Variants in PCDH7 observed in about 807,000 individuals in gnomAD.
The protein encoded by PCDH7 is protocadherin-7.
PCDH7 carries 17 observed loss-of-function variants against 58.9 expected under a neutral mutation model. That is an observed-to-expected ratio of 0.29 (90% confidence interval 0.20 to 0.43). The LOEUF (loss-of-function observed/expected upper bound fraction) is 0.43. PCDH7 is among the 20% of genes least tolerant of loss of function. The pLI, the probability that PCDH7 is intolerant of heterozygous loss-of-function variation, is 1.00. For synonymous variants in PCDH7, 664 were observed against 616.4 expected (o/e 1.08, Z -1.14); for missense variants, 1,274 against 1,441.0 (o/e 0.88, Z 1.88).
At chr4:30,841,758 C>T (rs28525650) in intron 1 of PCDH7, among the ~76,000 whole-genome samples, 1,846 of 152,084 alleles carry the variant, frequency 0.012, 35 homozygotes, top group African/African-American at 0.042. Context: ...GGTTATCTAA[C>T]CCTGACTTAT....
intron 3 of PCDH7, among the ~76,000 whole-genome samples, chr4:30,963,809 A>C (rs978630534): frequency 1.3e-5 from 2 of 152,192 alleles, no homozygotes; most frequent in African/African-American, 4.8e-5. Context: ...AAATTTTGAC[A>C]TGAGTTAAAG....
rs577645464 is a variant in PCDH7, at chr4:30,752,306, G to A, written c.70+27710G>A. Among the ~76,000 whole-genome samples the A allele has an allele frequency of 1.2e-3, 175 of 151,892 alleles. 1 individual carries two copies. The highest frequency in any genetic ancestry group is 3.7e-3 in the African/African-American group (155 of 41,432). On this transcript the variant is annotated intron_variant, in intron 1 of 3. Coordinates refer to the PCDH7 transcript ENST00000509759. Reference sequence around the variant, plus strand: ...TGCCACCATGCCCAGCTAATTTTTCGTATTTTTAGTAGAGACGGGGTTTCA... The same window carrying A: ...TGCCACCATGCCCAGCTAATTTTTCATATTTTTAGTAGAGACGGGGTTTCA...
intron 1 of PCDH7, among the ~76,000 whole-genome samples, chr4:30,769,362 A>G (rs1721116188): frequency 6.6e-6 from 1 of 152,218 alleles, no homozygotes; most frequent in African/African-American, 2.4e-5. Context: ...GGTTTCCTGC[A>G]AGTCAGCTAT....
At chr4:30,927,069 C>T (rs186069400) in intron 2 of PCDH7, among the ~76,000 whole-genome samples, 34 of 152,190 alleles carry the variant, frequency 2.2e-4, no homozygotes, top group Non-Finnish European at 4.3e-4. Context: ...AGGGAATGAG[C>T]GCTCATCAAA....
intron 3 of PCDH7, among the ~76,000 whole-genome samples, chr4:31,067,223 C>A (rs1499474): frequency 0.033 from 5,007 of 151,920 alleles, 249 homozygotes; most frequent in African/African-American, 0.11. Context: ...GGGCCAGTGC[C>A]CATGAATCTG....
intron 1 of PCDH7, among the ~76,000 whole-genome samples, chr4:30,794,888 G>T (rs1437357913): frequency 6.6e-6 from 1 of 152,094 alleles, no homozygotes; most frequent in Non-Finnish European, 1.5e-5. Flanking sequence ...AATATCATTA[G>T]ACAATCAGAA....
chr4:31,105,800 G>A (rs1055130408), intron 3 of PCDH7, among the ~76,000 whole-genome samples: 1 of 152,024 alleles, frequency 6.6e-6, no homozygotes, highest in African/African-American at 2.4e-5. Context: ...GAGGTCAGGA[G>A]ATCGAGACCA....
intron 1 of PCDH7, among the ~76,000 whole-genome samples, chr4:30,780,767 T>G (rs1418049580): frequency 1.3e-5 from 2 of 152,266 alleles, no homozygotes; most frequent in East Asian, 3.9e-4. Context: ...TTGTTATGTT[T>G]GTTTGTTTTT....
chr4:31,113,661 C>A (rs748917575), intron 3 of PCDH7, among the ~76,000 whole-genome samples: 1 of 151,902 alleles, frequency 6.6e-6, no homozygotes, highest in Non-Finnish European at 1.5e-5. Context: ...CAAGAATTAT[C>A]TTTATACATT....
intron 2 of PCDH7, among the ~76,000 whole-genome samples, chr4:30,923,704 A>G (rs1743473866): frequency 6.6e-6 from 1 of 152,164 alleles, no homozygotes; most frequent in Admixed American, 6.5e-5. Context: ...ATATTTTAAG[A>G]AAACCTTATT....
At chr4:31,145,989 ATGAG>A (rs1321441539), downstream of PCDH7, 1 of 152,102 alleles carries the variant, frequency 6.6e-6, no homozygotes, top group Non-Finnish European at 1.5e-5. Flanking sequence ...TTATAAATTA[ATGAG>A]TAACTATATA....
At position 30,762,947 on chromosome 4, in the gene PCDH7, A is replaced by G. The variant is rs189200971; in HGVS notation, c.70+38351A>G. ...ATGGCAAACAGCAATTTAAATATAA[A>G]TATATTTAGCCTAGGCCAGGCATGG... On this transcript the variant is annotated intron_variant, in intron 1 of 3. Coordinates refer to the PCDH7 transcript ENST00000509759. Among the ~76,000 whole-genome samples the G allele has an allele frequency of 1.1e-3, 172 of 152,322 alleles. 1 individual carries two copies. Among genetic ancestry groups the G allele is most frequent in the African/African-American group, 3.7e-3 (154 of 41,566 alleles).
rs538530475 is a variant in PCDH7, at chr4:30,813,876, G to A, written c.70+89280G>A. 3.3e-5 allele frequency among the ~76,000 whole-genome samples: 5 copies of A among 152,180 alleles called. No homozygotes were observed. The South Asian group carries it at 6.2e-4, about 19-fold the overall frequency. The stretch of plus-strand genomic sequence containing the variant: ...AGGCTGGTCTCGAACTCCTGACCTC[G>A]TGATCTGCCAGCCTCGGCCTCCCAA... On this transcript the variant is annotated intron_variant, in intron 1 of 3. Coordinates refer to the PCDH7 transcript ENST00000509759.
chr4:30,856,693 G>GA (rs33918177), intron 1 of PCDH7, among the ~76,000 whole-genome samples: 67 of 139,356 alleles, frequency 4.8e-4, no homozygotes, highest in East Asian at 8.3e-4. Flanking sequence ...ACTGATATCA[G>GA]AAAAAAAAAA....
chr4:30,828,169 T>A (rs908324858), intron 1 of PCDH7, among the ~76,000 whole-genome samples: 11 of 152,202 alleles, frequency 7.2e-5, no homozygotes, highest in Non-Finnish European at 1.5e-4. Flanking sequence ...ATTGTTAGTT[T>A]TGAGAGGATA....
At chr4:30,913,694 G>A (rs1742064131) in intron 1 of PCDH7, among the ~76,000 whole-genome samples, 1 of 152,100 alleles carries the variant, frequency 6.6e-6, no homozygotes, top group Admixed American at 6.6e-5. Flanking sequence ...CTTATCCTTT[G>A]CAATAATATC....
chr4:30,880,524 A>G (rs773729737), intron 1 of PCDH7, among the ~76,000 whole-genome samples: 3 of 152,168 alleles, frequency 2.0e-5, no homozygotes, highest in Non-Finnish European at 4.4e-5. Context: ...CTGAATTTCT[A>G]ATAAAGTTCT....
chr4:31,096,198 G>A (rs1188846430), intron 3 of PCDH7, among the ~76,000 whole-genome samples: 2 of 152,104 alleles, frequency 1.3e-5, no homozygotes, highest in South Asian at 2.1e-4. Context: ...CTCCTGTTAC[G>A]AGAAATTTGG....
chr4:30,898,368 T>C (rs1739729011), intron 1 of PCDH7, among the ~76,000 whole-genome samples: 1 of 152,142 alleles, frequency 6.6e-6, no homozygotes, highest in East Asian at 1.9e-4. Flanking sequence ...TTGAATCTTA[T>C]CTAAGGCTGG....
Sources: gnomAD v4.1 joint callset for allele counts (sites outside exome capture counted in the v4.1 genomes callset) on GRCh38, gnomAD v4.1.1 for gene constraint, MANE v1.5 for transcripts, NCBI Gene and HGNC (gene_info 2026-07-23, HGNC 2026-07-21) for gene names.